The following RBBP8 variants were observed in gnomAD, a reference collection of about 807,000 sequenced individuals.
The protein encoded by RBBP8 is RB binding protein 8, endonuclease, also known as DNA endonuclease RBBP8.
In RBBP8, 88 loss-of-function variants were observed where a neutral mutation model predicts 108.3. The observed-to-expected ratio is 0.81, with a 90% CI of 0.68 to 0.97. RBBP8 has a LOEUF of 0.97. RBBP8 is among the 50% of genes least tolerant of loss of function. RBBP8 has a pLI of 0.00. For missense variants in RBBP8, 1,023 were observed against 1,049.0 expected (o/e 0.98, Z 0.34); for synonymous variants, 332 against 348.2 (o/e 0.95, Z 0.52).
intron 4 of RBBP8, among the ~76,000 whole-genome samples, chr18:22,960,421 C>T (rs1912990833): frequency 6.6e-6 from 1 of 152,122 alleles, no homozygotes; most frequent in South Asian, 2.1e-4. Context: ...TGGTGAGTGC[C>T]TGTAGTCCCA....
At chr18:22,949,802 T>G in intron 4 of RBBP8, 89 bp downstream of exon 4, 1 of 986,736 alleles carries the variant, frequency 1.0e-6, no homozygotes, top group South Asian at 1.3e-5. Context: ...GTTTTGGGAT[T>G]GAAAGTGATC....
At chr18:22,915,792 G>A (rs994016772) in intron 2 of RBBP8, among the ~76,000 whole-genome samples, 1 of 151,920 alleles carries the variant, frequency 6.6e-6, no homozygotes, top group Non-Finnish European at 1.5e-5. Flanking sequence ...AATTTAATTT[G>A]GGATTCTAAT....
chr18:22,993,549 A>G lies in RBBP8; in HGVS notation c.1722A>G (p.Ser574=). Residue 574 remains serine (S), a synonymous_variant, in exon 11 of 19, where the codon TCA becomes TCG. Transcript: ENST00000327155. ...AATGCTCTCCAGACAATAAACCATCATTACAAATAAAAGAAGAAAATGCTG... is the reference window on the plus strand; with the variant it reads ...AATGCTCTCCAGACAATAAACCATCGTTACAAATAAAAGAAGAAAATGCTG... ...LNKCSPDNKP[S]LQIKEENAVF... is the part of the protein sequence containing the mutation. 1 of 1,613,472 alleles carries G rather than the reference A, an allele frequency of 6.2e-7. No individual in the cohort carries two copies. Among genetic ancestry groups the G allele is most frequent in the South Asian group, 1.1e-5 (1 of 90,958 alleles).
rs545483000 is a variant in RBBP8, at chr18:22,921,152, C to T, written c.-154+4126C>T. 4.7e-4 allele frequency among the ~76,000 whole-genome samples: 72 copies of T among 152,168 alleles called. 2 individuals carry two copies. In the South Asian group the frequency reaches 0.014, roughly 30 times the overall value. On this transcript the variant is annotated intron_variant, in intron 3 of 4. Coordinates refer to the RBBP8 transcript ENST00000577588. ...GAGCCTGAGACCTCTGGCTTATGTG[C>T]GAGTTCTTTATTTGGGAAAGCACCC...
chr18:22,990,808 T>C (rs1001996687), intron 9 of RBBP8, 129 bp from the exon 10 acceptor site: 2 of 670,268 alleles, frequency 3.0e-6, no homozygotes, highest in Non-Finnish European at 5.3e-6. Flanking sequence ...ATACATTATG[T>C]GGCCTTTGTC....
chr18:23,025,507 A>G (rs1004483547), intron 18 of RBBP8, among the ~76,000 whole-genome samples: 1 of 152,228 alleles, frequency 6.6e-6, no homozygotes, highest in African/African-American at 2.4e-5. Context: ...ACCAGATAGA[A>G]TCAGTCTGGA....
chr18:22,938,033 C>T (rs1240530675), intron 2 of RBBP8, among the ~76,000 whole-genome samples: 2 of 152,018 alleles, frequency 1.3e-5, no homozygotes, highest in Admixed American at 1.3e-4. Flanking sequence ...TGCCTTTTTG[C>T]CCAGGCTGGT....
chr18:22,999,278 G>A (rs115463575), intron 14 of RBBP8, among the ~76,000 whole-genome samples: 2 of 152,108 alleles, frequency 1.3e-5, no homozygotes, highest in African/African-American at 4.8e-5. Flanking sequence ...TTCAGGAAAG[G>A]CTTGGCTGGT....
At chr18:23,014,004 T>G (rs896412296) in intron 16 of RBBP8, among the ~76,000 whole-genome samples, 1 of 152,052 alleles carries the variant, frequency 6.6e-6, no homozygotes, top group African/African-American at 2.4e-5. Context: ...ATTTTTTATT[T>G]ATTTATTTAT....
chr18:22,919,532 T>G (rs1298945417), intron 3 of RBBP8, among the ~76,000 whole-genome samples: 4 of 152,182 alleles, frequency 2.6e-5, no homozygotes, highest in African/African-American at 9.6e-5. Flanking sequence ...TTTCACCAAT[T>G]TAGCCCACTA....
At chr18:22,941,306 G>A (rs1339537935) in intron 2 of RBBP8, among the ~76,000 whole-genome samples, 2 of 151,926 alleles carry the variant, frequency 1.3e-5, no homozygotes, top group Non-Finnish European at 2.9e-5. Flanking sequence ...CAAGTAGCTG[G>A]GACTACAGGC....
chr18:22,993,843 C>T lies in RBBP8; in HGVS notation c.1935C>T (p.Asn645=), dbSNP rs1448195873. 6.2e-7 allele frequency: 1 copy of T among 1,612,566 alleles called. No individual in the cohort carries two copies. The highest frequency in any genetic ancestry group is 8.5e-7 in the Non-Finnish European group (1 of 1,178,770). Residue 645 remains asparagine (N), a synonymous_variant, in exon 12 of 19, where the codon AAC becomes AAT. Transcript: ENST00000327155. ...GTAAAATAAAGTCTCTACAAAACAA[C>T]CAAGGTGTGTACACCATAAACAGGA... The part of the protein sequence containing the change: ...RTGKIKSLQN[N]QDVSFENIQW...
At chr18:22,997,788 T>C in intron 14 of RBBP8, 54 bp downstream of exon 14, 1 of 1,248,640 alleles carries the variant, frequency 8.0e-7, no homozygotes, top group Non-Finnish European at 1.1e-6. Flanking sequence ...GTGAAGTTTG[T>C]AGTTGTACCA....
chr18:22,961,842 T>C lies in RBBP8; in HGVS notation c.249-6964T>C, dbSNP rs183120609. ...CCCGTCCCTGCAGATTCTAATTCAGTTGATCATGGGTAGACTTACAAATCT... is the reference window on the plus strand; with the variant it reads ...CCCGTCCCTGCAGATTCTAATTCAGCTGATCATGGGTAGACTTACAAATCT... On this transcript the variant is annotated intron_variant, in intron 4 of 18. Coordinates refer to ENST00000327155, the MANE Select transcript of RBBP8 (RefSeq NM_002894.3). 2.4e-3 allele frequency among the ~76,000 whole-genome samples: 361 copies of C among 152,300 alleles called. 1 individual carries two copies. The highest frequency in any genetic ancestry group is 8.3e-3 in the African/African-American group (346 of 41,570).
chr18:22,930,595 C>T (rs982769769), upstream of RBBP8, among the ~76,000 whole-genome samples: 1 of 151,970 alleles, frequency 6.6e-6, no homozygotes, highest in Admixed American at 6.6e-5. Context: ...GTTAAAGTGG[C>T]CATATAAAAT....
At chr18:22,944,249 C>T (rs1316269962) in intron 2 of RBBP8, among the ~76,000 whole-genome samples, 1 of 152,180 alleles carries the variant, frequency 6.6e-6, no homozygotes, top group Non-Finnish European at 1.5e-5. Flanking sequence ...AGAACAAATG[C>T]CTCACAGGTG....
intron 7 of RBBP8, among the ~76,000 whole-genome samples, chr18:22,983,924 A>G (rs988713210): frequency 1.3e-5 from 2 of 152,152 alleles, no homozygotes; most frequent in Non-Finnish European, 2.9e-5. Flanking sequence ...TACTAAAAAT[A>G]TAAAAAATTA....
chr18:22,933,940 C>T (rs1277294765), intron 1 of RBBP8: 1 of 152,462 alleles, frequency 6.6e-6, no homozygotes. Context: ...GCTGGAAAGC[C>T]TTTGCCCCGC....
At chr18:22,977,663 G>A (rs1210384967) in intron 6 of RBBP8, 3 of 152,038 alleles carry the variant, frequency 2.0e-5, no homozygotes, top group Non-Finnish European at 4.4e-5. Flanking sequence ...GTTTGAACAC[G>A]TCTAGTAGAA....
Sources: allele counts gnomAD v4.1 joint callset (sites outside exome capture counted in the v4.1 genomes callset), GRCh38; gene constraint gnomAD v4.1.1; transcripts MANE v1.5; gene names NCBI Gene and HGNC (gene_info 2026-07-23, HGNC 2026-07-21).